NPEPL1: variants seen among roughly 807,000 people sequenced by gnomAD.
NPEPL1 encodes probable aminopeptidase NPEPL1.
A neutral mutation model predicts 52.4 loss-of-function variants in NPEPL1; 45 were observed. That is an observed-to-expected ratio of 0.86 (90% CI 0.68 to 1.10). NPEPL1 has a LOEUF of 1.10. NPEPL1 is among the 50% of genes least tolerant of loss of function. The probability of loss-of-function intolerance (pLI) is 0.00; values close to 1 mark genes in which losing one functional copy is unlikely to be tolerated. For missense variants in NPEPL1, 696 were observed against 710.9 expected, an observed-to-expected ratio of 0.98 and a Z score of 0.24; for synonymous variants, 360 against 314.7, an observed-to-expected ratio of 1.14 and a Z score of -1.52.
chr20:58,695,960 C>T (rs1023657325), intron 3 of NPEPL1, among the ~76,000 whole-genome samples: 1 of 152,196 alleles, frequency 6.6e-6, no homozygotes, highest in Non-Finnish European at 1.5e-5. Context: ...CTGCTGCCAC[C>T]TCTCGGCATC....
intron 7 of NPEPL1, among the ~76,000 whole-genome samples, chr20:58,708,302 C>G (rs1041637768): frequency 6.6e-6 from 1 of 152,232 alleles, no homozygotes; most frequent in South Asian, 2.1e-4. Flanking sequence ...GCCGGGGCTT[C>G]CCAGCTGGCC....
rs113125565 is a variant in NPEPL1 at position 58,703,722 on chromosome 20, G to A, written c.822+2564G>A. ...AGACCTGTGCAGTTAGTCAGCTCCC[G>A]GCCTGGAAATTAACACAAAGGAAAA... On this transcript the variant is annotated intron_variant, in intron 6 of 11. Transcript: ENST00000356091. 1.1e-4 allele frequency: 106 copies of A among 985,050 alleles called. No homozygotes were observed. The African/African-American group carries it at 1.3e-3, about 13-fold the overall frequency. 61.0% of individuals were successfully genotyped at this position (985,050 alleles called of 1,614,324 possible).
rs761352360 is a variant in NPEPL1 at position 58,713,564 on chromosome 20, C to T, written c.1125+21C>T. 6.3e-7 allele frequency: 1 copy of T among 1,577,546 alleles called. No individual in the cohort carries two copies. ...CTCAGGTGAGTGCTCCCTGGATCCA[C>T]CCCTTAGCTGTAGTCCCAGGGAACC... On this transcript the variant is annotated intron_variant, in intron 9 of 11. Coordinates refer to ENST00000356091, the MANE Select transcript of NPEPL1 (RefSeq NM_024663.4). This position sits in a 1 kb window ranked among gnomAD's most constrained non-coding sequence, Gnocchi z 4.6.
In NPEPL1 at chr20:58,703,919, G is replaced by T. The variant is rs190975869; in HGVS notation, c.822+2761G>T. Reference sequence around the variant, plus strand: ...CCTATTCCCGGGGTCCACCTGGTCTGCAGACCCCATAATACCAGGAAGAGC... The same window carrying T: ...CCTATTCCCGGGGTCCACCTGGTCTTCAGACCCCATAATACCAGGAAGAGC... On this transcript the variant is annotated intron_variant, in intron 6 of 11. Coordinates refer to ENST00000356091, the MANE Select transcript of NPEPL1 (RefSeq NM_024663.4). 22 of 985,318 alleles carry T rather than the reference G, an allele frequency of 2.2e-5. No individual in the cohort carries two copies. In the South Asian group the frequency reaches 8.5e-4, roughly 38 times the overall value. 61.0% of individuals were successfully genotyped at this position (985,318 alleles called of 1,614,324 possible).
At chr20:58,691,495 G>T, upstream of NPEPL1, 1 of 662,146 alleles carries the variant, frequency 1.5e-6, no homozygotes, top group East Asian at 2.8e-5. Context: ...AGTCTGTGGT[G>T]TTTCCAAGGG....
intron 6 of NPEPL1, among the ~76,000 whole-genome samples, chr20:58,705,034 A>G (rs150955380): frequency 1.3e-5 from 2 of 152,210 alleles, no homozygotes; most frequent in African/African-American, 4.8e-5. Flanking sequence ...AAATCACTTA[A>G]TATCACCATC....
chr20:58,713,340 G>T lies in NPEPL1; in HGVS notation c.1002-80G>T. 1 of 1,477,342 alleles carries T rather than the reference G, an allele frequency of 6.8e-7. No homozygotes were observed. The highest frequency in any genetic ancestry group is 9.1e-7 in the Non-Finnish European group (1 of 1,104,192). 91.5% of individuals were successfully genotyped at this position (1,477,342 alleles called of 1,614,324 possible). ...CACAGGGATGGGCAGCTCCAAATGGGGTCTCCCCAGTTTCAAAGGGGCTCA... is the reference window on the plus strand; with the variant it reads ...CACAGGGATGGGCAGCTCCAAATGGTGTCTCCCCAGTTTCAAAGGGGCTCA... On this transcript the variant is annotated intron_variant, in intron 8 of 11. Coordinates refer to ENST00000356091, the MANE Select transcript of NPEPL1 (RefSeq NM_024663.4). This position sits in a 1 kb window ranked among gnomAD's most constrained non-coding sequence, Gnocchi z 4.6.
chr20:58,713,298 G>T lies in NPEPL1; in HGVS notation c.1002-122G>T. On this transcript the variant is annotated intron_variant, in intron 8 of 11. Coordinates refer to ENST00000356091, the MANE Select transcript of NPEPL1 (RefSeq NM_024663.4). The surrounding 1 kb of genome is among the most constrained non-coding windows in gnomAD (Gnocchi z 4.6). Reference sequence around the variant, plus strand: ...CCCGGCCTTCCCATTCAGGGAACGTGTTGGGGTTCGGGGAGCCACAGGGAT... The same window carrying T: ...CCCGGCCTTCCCATTCAGGGAACGTTTTGGGGTTCGGGGAGCCACAGGGAT... The T allele has an allele frequency of 1.5e-6, 2 of 1,312,928 alleles. No individual in the cohort carries two copies. Among genetic ancestry groups the T allele is most frequent in the South Asian group, 1.5e-5 (1 of 67,214 alleles). 81.3% of individuals were successfully genotyped at this position (1,312,928 alleles called of 1,614,324 possible).
At chr20:58,699,449 C>T (rs773546805) in intron 5 of NPEPL1, among the ~76,000 whole-genome samples, 171 bp downstream of exon 5, 47 of 152,200 alleles carry the variant, frequency 3.1e-4, no homozygotes, top group African/African-American at 1.1e-3. Flanking sequence ...GGGAAGCAGC[C>T]GTCCCTGGGG....
intron 3 of NPEPL1, among the ~76,000 whole-genome samples, chr20:58,697,106 G>A (rs527662975): frequency 6.6e-6 from 1 of 152,364 alleles, no homozygotes; most frequent in African/African-American, 2.4e-5. Context: ...TCTCTGCTGA[G>A]CTTGACTCCC....
intron 4 of NPEPL1, 22 bp downstream of exon 4, chr20:58,698,795 G>A (rs761949951): frequency 3.6e-5 from 57 of 1,605,206 alleles, no homozygotes; most frequent in Middle Eastern, 1.6e-4. Flanking sequence ...CATCAGGCCG[G>A]GGGTGGGACC....
intron 4 of NPEPL1, 92 bp from the exon 5 acceptor site, chr20:58,699,105 G>A: frequency 8.1e-7 from 1 of 1,232,342 alleles, no homozygotes; most frequent in Non-Finnish European, 1.2e-6. Flanking sequence ...GGCACAGGCA[G>A]CGGTTCATCC....
rs537840713 is a variant in NPEPL1, at chr20:58,713,943, C to A, written c.1152C>A (p.Ala384=). 3 of 1,507,330 alleles carry A rather than the reference C, an allele frequency of 2.0e-6. No individual in the cohort carries two copies. The highest frequency in any genetic ancestry group is 2.7e-6 in the Non-Finnish European group (3 of 1,131,866). 93.4% of individuals were successfully genotyped at this position (1,507,330 alleles called of 1,614,324 possible). The part of the protein sequence containing the change: ...AQGIATGKYH[A]AVLTNSAEWE... Reference sequence around the variant, plus strand: ...GCATTGCCACAGGGAAGTACCACGCCGCGGTGCTCACCAACAGCGCTGAGT... The same window carrying A: ...GCATTGCCACAGGGAAGTACCACGCAGCGGTGCTCACCAACAGCGCTGAGT... Residue 384 remains alanine (A), a synonymous_variant, in exon 10 of 12, where the codon GCC becomes GCA. Transcript: ENST00000356091. This position sits in a 1 kb window ranked among gnomAD's most constrained non-coding sequence, Gnocchi z 4.6.
chr20:58,693,331 C>G (rs1210289749), intron 1 of NPEPL1: 1 of 163,690 alleles, frequency 6.1e-6, no homozygotes, highest in Non-Finnish European at 1.3e-5. Context: ...GAGACGTGGC[C>G]GCTCCCAGGG....
upstream of NPEPL1, among the ~76,000 whole-genome samples, chr20:58,690,752 T>A (rs2084330928): frequency 6.6e-6 from 1 of 152,226 alleles, no homozygotes; most frequent in Admixed American, 6.5e-5. Flanking sequence ...TCAGGGTTAT[T>A]CAGTCTATTC....
intron 3 of NPEPL1, among the ~76,000 whole-genome samples, chr20:58,695,036 GTTGCTGTGT>G: frequency 6.8e-6 from 1 of 146,814 alleles, no homozygotes; most frequent in Non-Finnish European, 1.5e-5. Flanking sequence ...TGTGGTATGT[GTTGCTGTGT>G]ATGTTTGCTG....
intron 3 of NPEPL1, among the ~76,000 whole-genome samples, chr20:58,696,154 G>A (rs2123091733): frequency 6.6e-6 from 1 of 152,338 alleles, no homozygotes; most frequent in South Asian, 2.1e-4. Flanking sequence ...GAGGACAGCA[G>A]GGCACCCTGA....
At position 58,694,570 on chromosome 20, in the gene NPEPL1, C is replaced by T. The variant is rs139042887; in HGVS notation, c.485C>T (p.Pro162Leu). 54 of 1,613,426 alleles carry T rather than the reference C, an allele frequency of 3.3e-5. No homozygotes were observed. The African/African-American group carries it at 3.7e-4, about 11-fold the overall frequency. The stretch of plus-strand genomic sequence containing the variant: ...TTCCTGGTGGGACAAGACAACGGGC[C>T]GGTGGAGGTGTCCACATTGCAGGTG... The part of the protein sequence containing the change: ...EFFLVGQDNG[P>L]VEVSTLQCLA... The change falls in exon 3 of 12, where the codon CCG (proline) becomes CTG (leucine). Residue 162 changes from proline to leucine, a missense_variant. Coordinates refer to ENST00000356091, the MANE Select transcript of NPEPL1 (RefSeq NM_024663.4).
In NPEPL1 at chr20:58,714,619, C is replaced by T. The variant is rs368776742; in HGVS notation, c.1362C>T (p.Phe454=). 3.9e-4 allele frequency: 626 copies of T among 1,597,272 alleles called. 1 individual carries two copies. Among genetic ancestry groups the T allele is most frequent in the Middle Eastern group, 8.2e-4 (5 of 6,064 alleles). ...TCTTCATCGCCTCACACATCGGCTTCGACTGGCCCGGAGTCTGGGTCCACC... is the reference window on the plus strand; with the variant it reads ...TCTTCATCGCCTCACACATCGGCTTTGACTGGCCCGGAGTCTGGGTCCACC... ...AGLFIASHIG[F]DWPGVWVHLD... is the part of the protein sequence containing the mutation. Residue 454 remains phenylalanine (F), a synonymous_variant, in exon 11 of 12, where the codon TTC becomes TTT. Transcript: ENST00000356091.
Sources: allele counts gnomAD v4.1 joint callset (sites outside exome capture counted in the v4.1 genomes callset), GRCh38; gene constraint gnomAD v4.1.1; non-coding constraint Gnocchi (gnomAD v3.1); transcripts MANE v1.5; gene names NCBI Gene and HGNC (gene_info 2026-07-23, HGNC 2026-07-21).